SCEL: variants seen among roughly 807,000 people sequenced by gnomAD.
SCEL encodes the protein sciellin.
SCEL carries 113 observed loss-of-function variants against 117.6 expected under a neutral mutation model. That is an observed-to-expected ratio of 0.96 (90% CI 0.83 to 1.12). SCEL has a LOEUF of 1.12. SCEL is among the 50% of genes most tolerant of loss of function. The probability of loss-of-function intolerance (pLI) is 0.00; values close to 1 mark genes in which losing one functional copy is unlikely to be tolerated. For missense variants in SCEL, 785 were observed against 810.8 expected (o/e 0.97, Z 0.39); for synonymous variants, 270 against 256.2 (o/e 1.05, Z -0.51).
At chr13:77,568,260 A>AT (rs2085395339) in intron 6 of SCEL, 35 bp from the exon 7 acceptor site, 2 of 1,424,050 alleles carry the variant, frequency 1.4e-6, no homozygotes, top group South Asian at 2.4e-5. Flanking sequence ...TTCATTCTTC[A>AT]TTGTTCAAAC....
At chr13:77,559,704 T>C in intron 3 of SCEL, 100 bp from the exon 4 acceptor site, 1 of 932,170 alleles carries the variant, frequency 1.1e-6, no homozygotes, top group Non-Finnish European at 1.7e-6. Flanking sequence ...GAATTAACCT[T>C]GCCAAAAATT....
At position 77,583,164 on chromosome 13, in the gene SCEL, C is replaced by T. The variant is rs574194427; in HGVS notation, c.546-5980C>T. ...TGGAGTGGAGGATTCCCTGCAATAG[C>T]GCCACCCTCCCTTATTCATGTAGTG... On this transcript the variant is annotated intron_variant, in intron 9 of 32. Transcript: ENST00000349847. Among the ~76,000 whole-genome samples the T allele has an allele frequency of 3.9e-5, 6 of 152,284 alleles. No individual in the cohort carries two copies. The East Asian group carries it at 5.8e-4, about 15-fold the overall frequency.
intron 11 of SCEL, 47 bp downstream of exon 11, chr13:77,591,507 G>T: frequency 9.2e-7 from 1 of 1,086,628 alleles, no homozygotes; most frequent in Non-Finnish European, 1.4e-6. Context: ...TAATGATAAA[G>T]TATGCTTTCT....
chr13:77,613,603 AT>A (rs922034738), intron 23 of SCEL, among the ~76,000 whole-genome samples: 1 of 151,718 alleles, frequency 6.6e-6, no homozygotes, highest in Non-Finnish European at 1.5e-5. Context: ...TGTGGTTGGA[AT>A]TTTGGTTCAC....
chr13:77,639,237 T>A (rs1233552370), intron 30 of SCEL, among the ~76,000 whole-genome samples: 2 of 152,170 alleles, frequency 1.3e-5, no homozygotes, highest in Non-Finnish European at 2.9e-5. Context: ...ATGGGAAATT[T>A]AAGTGTATGC....
intron 9 of SCEL, among the ~76,000 whole-genome samples, chr13:77,581,718 T>C (rs1475043344): frequency 6.6e-6 from 1 of 152,224 alleles, no homozygotes; most frequent in East Asian, 1.9e-4. Context: ...TATTTCACCA[T>C]TTCTCCTAGT....
intron 1 of SCEL, among the ~76,000 whole-genome samples, chr13:77,540,952 T>C (rs1423017452): frequency 1.3e-5 from 2 of 152,156 alleles, no homozygotes; most frequent in African/African-American, 4.8e-5. Flanking sequence ...GTCTTGCAAA[T>C]AGAAAGATAC....
At chr13:77,571,702 A>G (rs1256862062) in intron 8 of SCEL, among the ~76,000 whole-genome samples, 4 of 115,602 alleles carry the variant, frequency 3.5e-5, no homozygotes, top group East Asian at 3.2e-4. Context: ...AAATAAAAAT[A>G]AAAATAAAAC....
chr13:77,590,877 A>C (rs531948637), intron 10 of SCEL, among the ~76,000 whole-genome samples: 1 of 152,204 alleles, frequency 6.6e-6, no homozygotes, highest in South Asian at 2.1e-4. Context: ...AAAGTCTTAA[A>C]TTGTGCCAGA....
chr13:77,610,139 C>G, intron 22 of SCEL, 33 bp downstream of exon 22: 1 of 1,444,730 alleles, frequency 6.9e-7, no homozygotes, highest in Non-Finnish European at 9.5e-7. Flanking sequence ...TTTCTCCCCC[C>G]TTTTTTTTTC....
Position 77,572,196 on chromosome 13 carries a change from G to A in SCEL, c.545+7G>A. 1 of 1,606,464 alleles carries A rather than the reference G, an allele frequency of 6.2e-7. No individual in the cohort carries two copies. Among genetic ancestry groups the A allele is most frequent in the Non-Finnish European group, 8.5e-7 (1 of 1,173,936 alleles). Reference sequence around the variant, plus strand: ...GCACAGGAACCAGGAGACGGTAAGGGAAAGGTGTCAGGCGTAATTGCTGTG... The same window carrying A: ...GCACAGGAACCAGGAGACGGTAAGGAAAAGGTGTCAGGCGTAATTGCTGTG... On this transcript the variant is annotated splice_region_variant and intron_variant, in intron 9 of 32. Transcript: ENST00000349847.
intron 24 of SCEL, among the ~76,000 whole-genome samples, chr13:77,616,004 CTGTGTGTGTGTGTGTGTG>C (rs1169054133): frequency 3.5e-5 from 4 of 114,192 alleles, no homozygotes; most frequent in African/African-American, 8.0e-5. Flanking sequence ...TTATGTCTCT[CTGTGTGTGTGTGTGTGTG>C]TGTGTGTGTG....
intron 29 of SCEL, among the ~76,000 whole-genome samples, chr13:77,634,740 G>T (rs1244256559): frequency 6.6e-6 from 1 of 152,108 alleles, no homozygotes; most frequent in Non-Finnish European, 1.5e-5. Context: ...TAACTATATG[G>T]TTAAAATAAG....
chr13:77,567,762 C>T lies in SCEL; in HGVS notation c.359+14C>T. ...ACTAACCAATAGGTACCAGTATCTA[C>T]TAACTATGGGAAAGGCTCAAGTATA... On this transcript the variant is annotated intron_variant, in intron 6 of 32. Transcript: ENST00000349847. The T allele has an allele frequency of 6.6e-7, 1 of 1,524,222 alleles. No homozygotes were observed. Among genetic ancestry groups the T allele is most frequent in the Non-Finnish European group, 9.0e-7 (1 of 1,111,872 alleles). 94.4% of individuals were successfully genotyped at this position (1,524,222 alleles called of 1,614,324 possible). A position where few individuals can be genotyped will look rare whatever the true frequency, so the allele number is the denominator to read the frequency against.
At chr13:77,559,388 A>C (rs2084845168) in intron 3 of SCEL, among the ~76,000 whole-genome samples, 1 of 152,234 alleles carries the variant, frequency 6.6e-6, no homozygotes, top group African/African-American at 2.4e-5. Context: ...ACATACCCAG[A>C]CGTAATGGGC....
At chr13:77,584,489 T>G (rs1445945825) in intron 9 of SCEL, among the ~76,000 whole-genome samples, 2 of 152,190 alleles carry the variant, frequency 1.3e-5, no homozygotes, top group Non-Finnish European at 2.9e-5. Context: ...CTTTCCTGCG[T>G]ATTCTCCAGA....
chr13:77,555,602 T>C (rs1380953925), intron 1 of SCEL, among the ~76,000 whole-genome samples: 1 of 152,244 alleles, frequency 6.6e-6, no homozygotes, highest in Non-Finnish European at 1.5e-5. Flanking sequence ...ACTGATGGCC[T>C]GATTCTACCG....
intron 3 of SCEL, among the ~76,000 whole-genome samples, chr13:77,557,061 G>T (rs1262336616): frequency 6.6e-6 from 1 of 152,130 alleles, no homozygotes. Context: ...GGACAATCCT[G>T]CTCTGTTGAT....
chr13:77,602,125 G>T lies in SCEL; in HGVS notation c.977+1G>T. ...AAAGGACTGACAAAAATGAGAAAGG[G>T]TAAGTCAATCTCCTACCTTGATGGA... On this transcript the variant is annotated splice_donor_variant, in intron 16 of 32. Transcript: ENST00000349847. LOFTEE classifies it high-confidence loss of function. The T allele has an allele frequency of 1.2e-6, 2 of 1,610,456 alleles. No individual in the cohort carries two copies. Among genetic ancestry groups the T allele is most frequent in the Non-Finnish European group, 1.7e-6 (2 of 1,178,336 alleles).
Sources: gnomAD v4.1 joint callset for allele counts (sites outside exome capture counted in the v4.1 genomes callset) on GRCh38, gnomAD v4.1.1 for gene constraint, MANE v1.5 for transcripts, NCBI Gene and HGNC (gene_info 2026-07-23, HGNC 2026-07-21) for gene names.